The following ATP9B variants were observed in gnomAD, a reference collection of about 807,000 sequenced individuals.
ATP9B encodes the protein probable phospholipid-transporting ATPase IIB.
In ATP9B, 110 loss-of-function variants were observed where a neutral mutation model predicts 146.1. The observed-to-expected ratio is 0.75, with a 90% CI of 0.65 to 0.88. ATP9B has a LOEUF of 0.88. Ranked by LOEUF, ATP9B falls within the 40% of genes least tolerant of loss-of-function variation. ATP9B has a pLI of 0.00. For missense variants in ATP9B, 1,499 were observed against 1,496.4 expected, an observed-to-expected ratio of 1.00 and a Z score of -0.03; for synonymous variants, 604 against 569.7, an observed-to-expected ratio of 1.06 and a Z score of -0.86.
At chr18:79,083,342 T>C (rs915255052) in intron 1 of ATP9B, among the ~76,000 whole-genome samples, 14 of 152,346 alleles carry the variant, frequency 9.2e-5, no homozygotes, top group African/African-American at 3.4e-4. Flanking sequence ...CTTGCTGGGC[T>C]CCGTGGGGGT....
intron 13 of ATP9B, among the ~76,000 whole-genome samples, chr18:79,290,246 C>T (rs1473915387): frequency 1.3e-5 from 2 of 152,256 alleles, no homozygotes; most frequent in Non-Finnish European, 2.9e-5. Flanking sequence ...AGGCAGGCCT[C>T]CTTGAGCTGT....
At chr18:79,079,570 C>T (rs1321712349) in intron 1 of ATP9B, among the ~76,000 whole-genome samples, 1 of 152,128 alleles carries the variant, frequency 6.6e-6, no homozygotes, top group East Asian at 1.9e-4. Context: ...GGATAGATTG[C>T]AAAAATTTTC....
At chr18:79,153,342 A>T (rs2094720624) in intron 6 of ATP9B, among the ~76,000 whole-genome samples, 1 of 152,220 alleles carries the variant, frequency 6.6e-6, no homozygotes, top group Non-Finnish European at 1.5e-5. Flanking sequence ...GTGACTTGTT[A>T]GAGTTTTTAT....
intron 11 of ATP9B, among the ~76,000 whole-genome samples, chr18:79,221,249 C>T (rs754669127): frequency 6.6e-6 from 1 of 152,144 alleles, no homozygotes; most frequent in East Asian, 1.9e-4. Flanking sequence ...CGACTACCCC[C>T]GAGTCATCCC....
chr18:79,176,785 TG>T (rs764122650), intron 7 of ATP9B, 27 bp from the exon 8 acceptor site: 22 of 1,591,224 alleles, frequency 1.4e-5, no homozygotes, highest in Non-Finnish European at 1.9e-5. Context: ...AATTCAAGAG[TG>T]GTAAATTTTT....
chr18:79,288,262 G>A (rs1396249877), intron 13 of ATP9B, among the ~76,000 whole-genome samples: 3 of 150,290 alleles, frequency 2.0e-5, no homozygotes, highest in South Asian at 4.2e-4. Context: ...AAGTCTCTTT[G>A]TAGGTCACTC....
intron 12 of ATP9B, among the ~76,000 whole-genome samples, chr18:79,264,017 G>A (rs2096174414): frequency 1.3e-5 from 2 of 152,106 alleles, no homozygotes; most frequent in Non-Finnish European, 2.9e-5. Flanking sequence ...CCCGGAAGGC[G>A]GAGGTTGCAG....
chr18:79,094,804 G>A lies in ATP9B; in HGVS notation c.120-1672G>A, dbSNP rs116634970. On this transcript the variant is annotated intron_variant, in intron 1 of 29. Transcript: ENST00000426216. Reference sequence around the variant, plus strand: ...AGCTGCCCTTGTCTTGAAACTGTGTGTGTCAGCCCCATCAACTGGAGGTCT... The same window carrying A: ...AGCTGCCCTTGTCTTGAAACTGTGTATGTCAGCCCCATCAACTGGAGGTCT... Among the ~76,000 whole-genome samples, 219 of 152,306 alleles carry A rather than the reference G, an allele frequency of 1.4e-3. 2 individuals carry two copies. Among genetic ancestry groups the A allele is most frequent in the African/African-American group, 5.0e-3 (206 of 41,566 alleles).
At chr18:79,188,952 T>A (rs1411634580) in intron 8 of ATP9B, among the ~76,000 whole-genome samples, 1 of 152,100 alleles carries the variant, frequency 6.6e-6, no homozygotes, top group Admixed American at 6.5e-5. Flanking sequence ...TAGAGTTTTT[T>A]AACTAGTTAC....
At chr18:79,139,055 A>G (rs930738959) in intron 5 of ATP9B, among the ~76,000 whole-genome samples, 1 of 152,164 alleles carries the variant, frequency 6.6e-6, no homozygotes, top group African/African-American at 2.4e-5. Flanking sequence ...GTGACAGAAA[A>G]TAATTTAAAA....
intron 8 of ATP9B, among the ~76,000 whole-genome samples, chr18:79,184,920 T>C (rs1224076869): frequency 6.6e-6 from 1 of 152,090 alleles, no homozygotes; most frequent in Admixed American, 6.5e-5. Context: ...AGATTTAATT[T>C]TGCTAAGTGT....
intron 9 of ATP9B, among the ~76,000 whole-genome samples, chr18:79,205,088 C>G (rs1447715307): frequency 6.6e-6 from 1 of 152,100 alleles, no homozygotes; most frequent in Non-Finnish European, 1.5e-5. Flanking sequence ...AGAGTCTGAC[C>G]CTGAGCTGCA....
chr18:79,311,051 C>T (rs2096649857), intron 15 of ATP9B, among the ~76,000 whole-genome samples: 1 of 152,090 alleles, frequency 6.6e-6, no homozygotes. Context: ...ACTTGGAAGA[C>T]TGAGACAGGA....
At chr18:79,290,578 A>G (rs1366954976) in intron 13 of ATP9B, among the ~76,000 whole-genome samples, 5 of 152,314 alleles carry the variant, frequency 3.3e-5, no homozygotes, top group South Asian at 2.1e-4. Context: ...GAGTGAGGCA[A>G]TGCCTCGCCC....
intron 7 of ATP9B, among the ~76,000 whole-genome samples, chr18:79,175,808 CAA>C (rs1555727912): frequency 6.6e-6 from 1 of 151,990 alleles, no homozygotes; most frequent in Non-Finnish European, 1.5e-5. Context: ...ACAGCACACA[CAA>C]GTTAGCCATG....
At chr18:79,225,633 C>T (rs552465995) in intron 11 of ATP9B, among the ~76,000 whole-genome samples, 114 of 150,078 alleles carry the variant, frequency 7.6e-4, no homozygotes, top group African/African-American at 2.7e-3. Flanking sequence ...GTCTGAGTGA[C>T]TGTTGGGTCC....
intron 7 of ATP9B, among the ~76,000 whole-genome samples, chr18:79,160,240 A>C (rs2094857493): frequency 6.6e-6 from 1 of 152,208 alleles, no homozygotes; most frequent in African/African-American, 2.4e-5. Flanking sequence ...ACTCTTAGCT[A>C]GGTTTAGTGT....
At chr18:79,154,203 C>A (rs976576387) in intron 6 of ATP9B, among the ~76,000 whole-genome samples, 1 of 151,814 alleles carries the variant, frequency 6.6e-6, no homozygotes, top group African/African-American at 2.4e-5. Context: ...CCTCATGATC[C>A]GCCTGCCTCG....
At chr18:79,234,665 G>A (rs772549811) in intron 11 of ATP9B, among the ~76,000 whole-genome samples, 2 of 146,970 alleles carry the variant, frequency 1.4e-5, no homozygotes, top group Non-Finnish European at 3.0e-5. Context: ...GTGTGGGTGT[G>A]CTCCTGTGGG....
Sources: allele counts gnomAD v4.1 joint callset (sites outside exome capture counted in the v4.1 genomes callset), GRCh38; gene constraint gnomAD v4.1.1; transcripts MANE v1.5; gene names NCBI Gene and HGNC (gene_info 2026-07-23, HGNC 2026-07-21).